Variants in VPS8 observed in about 807,000 individuals in gnomAD.
VPS8 encodes the protein vacuolar protein sorting-associated protein 8 homolog.
A neutral mutation model predicts 216.4 loss-of-function variants in VPS8; 129 were observed. The observed-to-expected ratio is 0.60, with a 90% confidence interval of 0.52 to 0.69. The LOEUF is 0.69. Ranked by LOEUF, VPS8 falls within the 30% of genes least tolerant of loss-of-function variation. The pLI, the probability that VPS8 is intolerant of heterozygous loss-of-function variation, is 0.00. For synonymous variants in VPS8, 571 were observed against 565.4 expected (o/e 1.01, Z -0.14); for missense variants, 1,531 against 1,683.5 (o/e 0.91, Z 1.59).
chr3:185,027,995 G>T (rs546886482), intron 46 of VPS8, among the ~76,000 whole-genome samples: 29 of 152,120 alleles, frequency 1.9e-4, no homozygotes, highest in African/African-American at 6.8e-4. Context: ...TCACCATGGC[G>T]GTTAACAAGT....
At chr3:184,836,162 C>G (rs915861154) in intron 5 of VPS8, 1 of 425,558 alleles carries the variant, frequency 2.3e-6, no homozygotes, top group East Asian at 7.0e-5. Context: ...GTATCCTGAC[C>G]TAGCTCATAT....
intron 45 of VPS8, among the ~76,000 whole-genome samples, chr3:185,018,054 A>G (rs1207243872): frequency 1.3e-5 from 2 of 152,156 alleles, no homozygotes; most frequent in South Asian, 2.1e-4. Flanking sequence ...CAGGAAATGG[A>G]GTATTTCCTT....
At chr3:184,920,939 G>A (rs968407785) in intron 29 of VPS8, among the ~76,000 whole-genome samples, 11 of 152,158 alleles carry the variant, frequency 7.2e-5, no homozygotes, top group African/African-American at 2.2e-4. Context: ...GTTTATATAC[G>A]TTATTTCTTT....
intron 45 of VPS8, among the ~76,000 whole-genome samples, chr3:185,009,698 A>C (rs1754735462): frequency 6.6e-6 from 1 of 152,186 alleles, no homozygotes; most frequent in Non-Finnish European, 1.5e-5. Flanking sequence ...CCCCTGAAAG[A>C]TAAGAAACAA....
At chr3:184,854,851 C>A (rs1182197599) in intron 13 of VPS8, among the ~76,000 whole-genome samples, 2 of 151,660 alleles carry the variant, frequency 1.3e-5, no homozygotes, top group East Asian at 3.9e-4. Flanking sequence ...CCTTTTTTTT[C>A]TTCTTGATTG....
At chr3:184,939,651 C>T (rs1426600933) in intron 35 of VPS8, among the ~76,000 whole-genome samples, 2 of 151,390 alleles carry the variant, frequency 1.3e-5, no homozygotes, top group South Asian at 4.2e-4. Context: ...AAAAACAGAA[C>T]CCAGATTTTA....
intron 18 of VPS8, 78 bp from the exon 19 acceptor site, chr3:184,868,868 G>A (rs140027087): frequency 2.8e-4 from 368 of 1,313,536 alleles, no homozygotes; most frequent in Admixed American, 4.4e-4. Flanking sequence ...CTTCTGGAAG[G>A]ATTTTAGGTG....
chr3:185,046,683 C>G (rs1018591422), intron 46 of VPS8, among the ~76,000 whole-genome samples: 21 of 152,086 alleles, frequency 1.4e-4, no homozygotes, highest in African/African-American at 5.1e-4. Flanking sequence ...AAATAGATGC[C>G]AAGCCCATAC....
chr3:185,023,228 T>C (rs920405834), intron 45 of VPS8, among the ~76,000 whole-genome samples: 7 of 143,100 alleles, frequency 4.9e-5, no homozygotes, highest in Non-Finnish European at 1.5e-5. Context: ...AAAATAGATA[T>C]ACTTTTTTTT....
intron 28 of VPS8, among the ~76,000 whole-genome samples, chr3:184,918,851 TAGAACTG>T (rs1474942531): frequency 2.0e-5 from 3 of 152,170 alleles, no homozygotes; most frequent in Non-Finnish European, 2.9e-5. Flanking sequence ...AATCCGAAGA[TAGAACTG>T]AGAGAGACTT....
intron 37 of VPS8, among the ~76,000 whole-genome samples, chr3:184,960,979 GT>G (rs1746408665): frequency 6.6e-6 from 1 of 152,108 alleles, no homozygotes; most frequent in African/African-American, 2.4e-5. Flanking sequence ...TTTTAGTAAA[GT>G]CAGCTTTATA....
In VPS8 at chr3:185,014,110, A is replaced by C. The variant is rs1755435772; in HGVS notation, c.4003-10226A>C. Reference sequence around the variant, plus strand: ...GGCATTATTGCCAGCCAAAATGGATAAATATGCCCAATAAGTATAATTGTT... The same window carrying C: ...GGCATTATTGCCAGCCAAAATGGATCAATATGCCCAATAAGTATAATTGTT... On this transcript the variant is annotated intron_variant, in intron 45 of 47. Coordinates refer to ENST00000625842, the MANE Select transcript of VPS8 (RefSeq NM_001009921.3). 3.9e-5 allele frequency among the ~76,000 whole-genome samples: 6 copies of C among 152,354 alleles called. No homozygotes were observed. In the South Asian group the frequency reaches 1.2e-3, roughly 32 times the overall value.
chr3:184,926,612 A>G lies in VPS8; in HGVS notation c.2593A>G (p.Ser865Gly). The change falls in exon 31 of 48, where the codon AGT becomes GGT. Residue 865 changes from serine (S) to glycine (G), a missense_variant. Ser to Gly is a moderately conservative substitution (Grantham distance 56, BLOSUM62 0). Coordinates refer to ENST00000625842, the MANE Select transcript of VPS8 (RefSeq NM_001009921.3). ...LFDQVLEFLC[S>G]PDDDSRHSER... is the part of the protein sequence containing the mutation. ...CGGCCAGGTCCTTGAATTCCTTTGTAGTCCTGACGATGACTCCCGACACTC... is the reference window on the plus strand; with the variant it reads ...CGGCCAGGTCCTTGAATTCCTTTGTGGTCCTGACGATGACTCCCGACACTC... 6.2e-7 allele frequency: 1 copy of G among 1,604,170 alleles called. No homozygotes were observed. Among genetic ancestry groups the G allele is most frequent in the Non-Finnish European group, 8.5e-7 (1 of 1,175,146 alleles).
chr3:184,901,084 C>A, intron 25 of VPS8, 112 bp downstream of exon 25: 1 of 920,112 alleles, frequency 1.1e-6, no homozygotes, highest in Non-Finnish European at 1.7e-6. Flanking sequence ...TAATCATGTA[C>A]AGTCATGTAA....
At chr3:184,921,002 T>C (rs1738511506) in intron 29 of VPS8, among the ~76,000 whole-genome samples, 1 of 152,264 alleles carries the variant, frequency 6.6e-6, no homozygotes, top group Non-Finnish European at 1.5e-5. Context: ...GTGATGATTA[T>C]GAAAATAGGA....
chr3:184,970,926 G>T (rs897317218), intron 39 of VPS8, among the ~76,000 whole-genome samples: 3 of 152,240 alleles, frequency 2.0e-5, no homozygotes, highest in Admixed American at 6.5e-5. Flanking sequence ...ACAAATATTC[G>T]CAAGTTATCT....
intron 39 of VPS8, among the ~76,000 whole-genome samples, chr3:184,970,430 A>G (rs1748221867): frequency 6.6e-6 from 1 of 152,202 alleles, no homozygotes; most frequent in African/African-American, 2.4e-5. Context: ...GAGAGTGACT[A>G]AGGTGTGTGG....
chr3:184,955,994 T>C (rs1043213387), intron 36 of VPS8, among the ~76,000 whole-genome samples: 11 of 152,132 alleles, frequency 7.2e-5, no homozygotes, highest in African/African-American at 2.7e-4. Context: ...ACTCTTTCTT[T>C]GGAATTTATA....
intron 21 of VPS8, among the ~76,000 whole-genome samples, chr3:184,884,383 C>T (rs996094533): frequency 6.6e-6 from 1 of 152,122 alleles, no homozygotes; most frequent in African/African-American, 2.4e-5. Context: ...TCATCCATGT[C>T]CCTGCAAAGG....
Sources: allele counts gnomAD v4.1 joint callset (sites outside exome capture counted in the v4.1 genomes callset), GRCh38; gene constraint gnomAD v4.1.1; transcripts MANE v1.5; gene names NCBI Gene and HGNC (gene_info 2026-07-23, HGNC 2026-07-21).